The following RP1 variants were observed in gnomAD, a reference collection of about 807,000 sequenced individuals.
RP1 encodes RP1 axonemal microtubule associated, also known as oxygen-regulated protein 1.
Under a neutral mutation model 14.8 loss-of-function variants are expected in RP1, and 16 were observed. The observed-to-expected ratio is 1.08, with a 90% confidence interval of 0.73 to 1.65. The LOEUF (loss-of-function observed/expected upper bound fraction) is 1.65. RP1 is among the 40% of genes most tolerant of loss of function. RP1 has a pLI of 0.00. For synonymous variants in RP1, 876 were observed against 883.6 expected, an observed-to-expected ratio of 0.99 and a Z score of 0.15; for missense variants, 2,631 against 2,535.0, an observed-to-expected ratio of 1.04 and a Z score of -0.81.
chr8:54,714,343 A>G (rs1209669874), intron 15 of RP1, among the ~76,000 whole-genome samples: 1 of 152,230 alleles, frequency 6.6e-6, no homozygotes, highest in Non-Finnish European at 1.5e-5. Context: ...ATTAAAAATT[A>G]TGGCTCAGGA....
chr8:54,716,082 T>C (rs1190003249), intron 15 of RP1, among the ~76,000 whole-genome samples: 1 of 152,210 alleles, frequency 6.6e-6, no homozygotes, highest in East Asian at 1.9e-4. Context: ...GGAATGATAT[T>C]CAAGTTCATA....
intron 7 of RP1, among the ~76,000 whole-genome samples, chr8:54,666,143 T>C (rs374789359): frequency 9.9e-5 from 15 of 152,220 alleles, no homozygotes; most frequent in African/African-American, 3.6e-4. Flanking sequence ...AGATGAAGAT[T>C]GGCTTTATTG....
intron 24 of RP1, among the ~76,000 whole-genome samples, chr8:54,827,330 A>AT (rs111615579): frequency 1.8e-3 from 257 of 145,988 alleles, no homozygotes; most frequent in African/African-American, 4.6e-3. Flanking sequence ...TTTATAGTGT[A>AT]TTTTTTTTTT....
At chr8:54,778,176 T>C (rs1412318605) in intron 23 of RP1, among the ~76,000 whole-genome samples, 1 of 152,172 alleles carries the variant, frequency 6.6e-6, no homozygotes, top group Non-Finnish European at 1.5e-5. Context: ...TTCAGGGACT[T>C]ACAATCTGGG....
intron 24 of RP1, among the ~76,000 whole-genome samples, chr8:54,830,489 T>C (rs1811493456): frequency 6.6e-6 from 1 of 152,158 alleles, no homozygotes; most frequent in South Asian, 2.1e-4. Flanking sequence ...GTCACTGTTA[T>C]CTAATGTTAA....
At chr8:54,733,948 C>T (rs1808851883) in intron 17 of RP1, among the ~76,000 whole-genome samples, 1 of 152,162 alleles carries the variant, frequency 6.6e-6, no homozygotes, top group Non-Finnish European at 1.5e-5. Context: ...TTGTGAAACA[C>T]AAGTGCTTTG....
intron 24 of RP1, among the ~76,000 whole-genome samples, chr8:54,814,994 G>A (rs1811105299): frequency 6.6e-6 from 1 of 152,200 alleles, no homozygotes; most frequent in Non-Finnish European, 1.5e-5. Context: ...GGGTGACAAA[G>A]CGAGACTCCG....
In RP1 at chr8:54,591,000, G is replaced by A. The variant is rs545115299; in HGVS notation, c.-12-29955G>A. Among the ~76,000 whole-genome samples, 131 of 152,164 alleles carry A rather than the reference G, an allele frequency of 8.6e-4. 4 individuals are homozygous for A. In the South Asian group the frequency reaches 0.025, roughly 29 times the overall value. On this transcript the variant is annotated intron_variant, in intron 1 of 22. Transcript: ENST00000636932. Reference sequence around the variant, plus strand: ...TTTCTTTATCCTATAACCTACAATAGTAAGTCTCAACAGTTCCATTCCATG... The same window carrying A: ...TTTCTTTATCCTATAACCTACAATAATAAGTCTCAACAGTTCCATTCCATG...
chr8:54,765,195 C>T lies in RP1; in HGVS notation c.3249-4546C>T, dbSNP rs1809732297. On this transcript the variant is annotated intron_variant, in intron 22 of 22. Coordinates refer to the RP1 transcript ENST00000636932. ...TCATTATTATTCACAAAGCATTGTC[C>T]TTGCTTAATTGCCTTGTGGCAACTC... is the stretch of plus-strand genomic sequence containing the variant. Among the ~76,000 whole-genome samples, 5 of 152,368 alleles carry T rather than the reference C, an allele frequency of 3.3e-5. No individual in the cohort carries two copies. In the South Asian group the frequency reaches 1.0e-3, roughly 32 times the overall value.
chr8:54,827,092 T>A (rs1811400901), intron 24 of RP1, among the ~76,000 whole-genome samples: 2 of 152,196 alleles, frequency 1.3e-5, no homozygotes, highest in Admixed American at 1.3e-4. Context: ...CTTGCAGGAC[T>A]GGAAGTAGCT....
At chr8:54,666,971 GGCAC>G (rs1336557719) in intron 7 of RP1, among the ~76,000 whole-genome samples, 1 of 151,960 alleles carries the variant, frequency 6.6e-6, no homozygotes, top group East Asian at 1.9e-4. Flanking sequence ...GCATTGAATA[GGCAC>G]CTGGACCTCA....
intron 15 of RP1, among the ~76,000 whole-genome samples, chr8:54,718,901 G>A (rs561992558): frequency 6.6e-6 from 1 of 152,152 alleles, no homozygotes; most frequent in Non-Finnish European, 1.5e-5. Flanking sequence ...TATTCTGTAT[G>A]CCATTGTAAT....
intron 24 of RP1, among the ~76,000 whole-genome samples, chr8:54,790,525 G>T (rs1228499599): frequency 6.7e-6 from 1 of 148,204 alleles, no homozygotes; most frequent in East Asian, 2.0e-4. Context: ...GTTTGACAAG[G>T]AATTGAGAAT....
chr8:54,653,030 C>A (rs1473429778), intron 5 of RP1, among the ~76,000 whole-genome samples: 1 of 151,998 alleles, frequency 6.6e-6, no homozygotes, highest in Non-Finnish European at 1.5e-5. Context: ...TTAATTAATT[C>A]TTAATTGATT....
chr8:54,790,143 G>T (rs1189315190), intron 24 of RP1, among the ~76,000 whole-genome samples: 1 of 152,176 alleles, frequency 6.6e-6, no homozygotes, highest in Non-Finnish European at 1.5e-5. Flanking sequence ...CTTGCCAGGA[G>T]CCCAACCAGA....
chr8:54,767,042 A>AG (rs1201787379), intron 22 of RP1, among the ~76,000 whole-genome samples: 1 of 152,148 alleles, frequency 6.6e-6, no homozygotes, highest in African/African-American at 2.4e-5. Flanking sequence ...CTACTGTTTT[A>AG]TGGCACATCT....
intron 22 of RP1, among the ~76,000 whole-genome samples, chr8:54,768,099 C>T (rs180771118): frequency 4.6e-5 from 7 of 152,322 alleles, no homozygotes; most frequent in African/African-American, 9.6e-5. Flanking sequence ...CAACCCCTGC[C>T]GCTACCCCAT....
chr8:54,647,006 T>A (rs910283317), intron 3 of RP1, among the ~76,000 whole-genome samples: 17 of 152,368 alleles, frequency 1.1e-4, no homozygotes, highest in African/African-American at 3.6e-4. Flanking sequence ...CTAGTTTTTT[T>A]AAAATTATGT....
intron 12 of RP1, chr8:54,679,956 G>T (rs1807388953): frequency 6.5e-7 from 1 of 1,535,016 alleles, no homozygotes; most frequent in African/African-American, 1.4e-5. Flanking sequence ...TACAAAGCTT[G>T]TGGTGCTGGA....
Sources: gnomAD v4.1 joint callset for allele counts (sites outside exome capture counted in the v4.1 genomes callset) on GRCh38, gnomAD v4.1.1 for gene constraint, MANE v1.5 for transcripts, NCBI Gene and HGNC (gene_info 2026-07-23, HGNC 2026-07-21) for gene names.